PFKP: variants seen among roughly 807,000 people sequenced by gnomAD.
PFKP encodes ATP-dependent 6-phosphofructokinase, platelet type.
A neutral mutation model predicts 94.3 loss-of-function variants in PFKP; 101 were observed. That is an observed-to-expected ratio of 1.07 (90% CI 0.91 to 1.26). The LOEUF is 1.26. PFKP is among the 50% of genes most tolerant of loss of function. PFKP has a pLI of 0.00. For synonymous variants in PFKP, 573 were observed against 432.6 expected, an observed-to-expected ratio of 1.32 and a Z score of -4.03; for missense variants, 1,145 against 1,103.3, an observed-to-expected ratio of 1.04 and a Z score of -0.53.
At chr10:3,109,508 A>G in intron 10 of PFKP, 28 bp downstream of exon 10, 1 of 1,597,738 alleles carries the variant, frequency 6.3e-7, no homozygotes, top group Non-Finnish European at 8.5e-7. Context: ...GGCCAAGGGC[A>G]GGGCGGAGAC....
At chr10:3,113,638 G>A (rs1836493429) in intron 13 of PFKP, 120 bp downstream of exon 13, 2 of 474,670 alleles carry the variant, frequency 4.2e-6, no homozygotes, top group Non-Finnish European at 3.3e-6. Flanking sequence ...CCGGGATCCT[G>A]TGATATTGTG....
intron 12 of PFKP, 81 bp downstream of exon 12, chr10:3,113,269 C>T (rs1588505127): frequency 1.3e-6 from 2 of 1,574,158 alleles, no homozygotes; most frequent in East Asian, 2.3e-5. Context: ...AATGAGGCCA[C>T]CTGTTTTCAG....
chr10:3,134,674 T>C lies in PFKP; in HGVS notation c.2122+92T>C, dbSNP rs942413472. On this transcript the variant is annotated intron_variant, in intron 20 of 21. Coordinates refer to ENST00000381125, the MANE Select transcript of PFKP (RefSeq NM_002627.5). ...GTCCTATCGGGGAGAAGTAGGGTGC[T>C]GGTTCCTTCTTCAGTTCAGTACTGA... 1.7e-5 allele frequency: 14 copies of C among 802,678 alleles called. No homozygotes were observed. In the South Asian group the frequency reaches 2.0e-4, roughly 11 times the overall value. The allele number at this position is 802,678 out of a possible 1,614,324, so 49.7% of individuals were successfully genotyped here. A position where few individuals can be genotyped will look rare whatever the true frequency, so the allele number is the denominator to read the frequency against.
intron 16 of PFKP, among the ~76,000 whole-genome samples, chr10:3,127,737 T>TCCCATTGCCTGTTTCTCTC (rs1242377274): frequency 8.5e-5 from 13 of 152,186 alleles, no homozygotes; most frequent in Admixed American, 3.3e-4. Context: ...TGGGAATTCT[T>TCCCATTGCCTGTTTCTCTC]CCCATTGCCT....
At chr10:3,125,664 C>T (rs1021565494) in intron 16 of PFKP, among the ~76,000 whole-genome samples, 2 of 152,222 alleles carry the variant, frequency 1.3e-5, no homozygotes, top group African/African-American at 4.8e-5. Flanking sequence ...GCCTGGAAAA[C>T]AGCCTTCCTG....
intron 4 of PFKP, among the ~76,000 whole-genome samples, chr10:3,102,167 C>A (rs370388058): frequency 7.4e-6 from 1 of 134,632 alleles, no homozygotes; most frequent in Admixed American, 8.2e-5. Context: ...AGGAGAATGG[C>A]GTGAACCCGG....
chr10:3,121,055 T>C (rs1404314020), intron 16 of PFKP, among the ~76,000 whole-genome samples: 1 of 148,230 alleles, frequency 6.7e-6, no homozygotes, highest in Non-Finnish European at 1.5e-5. Context: ...TTTCTAGCAC[T>C]GGTAAATAAA....
At chr10:3,067,841 A>C in intron 1 of PFKP, 134 bp downstream of exon 1, 1 of 442,338 alleles carries the variant, frequency 2.3e-6, no homozygotes, top group Non-Finnish European at 4.0e-6. Context: ...TGGCGAAGCG[A>C]TGGGGAGAAC....
chr10:3,123,666 A>G (rs9423472), intron 16 of PFKP, among the ~76,000 whole-genome samples: 101,959 of 151,792 alleles, frequency 0.67, 34,560 homozygotes, highest in South Asian at 0.75. Flanking sequence ...ATTCCACAGT[A>G]AAGTGAGCGA....
At chr10:3,116,133 A>AATATACAT (rs149409567) in intron 13 of PFKP, among the ~76,000 whole-genome samples, 1 of 150,972 alleles carries the variant, frequency 6.6e-6, no homozygotes, top group African/African-American at 2.4e-5. Context: ...GGTTCTGTCA[A>AATATACAT]ATATATATAT....
chr10:3,118,847 T>G lies in PFKP; in HGVS notation c.1508T>G (p.Leu503Arg). The G allele has an allele frequency of 1.2e-6, 2 of 1,613,390 alleles. No individual in the cohort carries two copies. Among genetic ancestry groups the G allele is most frequent in the Non-Finnish European group, 1.7e-6 (2 of 1,179,524 alleles). The change falls in exon 15 of 22, where the codon CTG becomes CGG. Residue 503 changes from leucine to arginine, a missense_variant. Physicochemically the swap from Leu to Arg is moderately radical, Grantham distance 102 (BLOSUM62 -2). Around this residue, in one of 3 missense-constraint regions of PFKP, gnomAD observed 1,119 missense variants for 1,062.8 expected, o/e 1.05. Transcript: ENST00000381125. ...ATGCGCACGCACAGCATCAACGCGC[T>G]GCTGATCATCGGTGGATTCGAGGTA... ...TQMRTHSINA[L>R]LIIGGFEAYL...
intron 16 of PFKP, among the ~76,000 whole-genome samples, chr10:3,121,860 T>G (rs989565894): frequency 7.5e-6 from 1 of 133,612 alleles, no homozygotes; most frequent in African/African-American, 2.8e-5. Context: ...CTCACTCTGT[T>G]TCCCAGGCTG....
intron 20 of PFKP, among the ~76,000 whole-genome samples, chr10:3,135,413 A>C (rs76592819): frequency 1.9e-5 from 1 of 51,904 alleles, no homozygotes; most frequent in Non-Finnish European, 4.2e-5. Context: ...TTTGCCTCTC[A>C]GTGTGTGTAT....
At chr10:3,134,669 GGT>G (rs1197488508) in intron 20 of PFKP, 87 bp downstream of exon 20, 4 of 833,900 alleles carry the variant, frequency 4.8e-6, no homozygotes, top group Non-Finnish European at 8.2e-6. Flanking sequence ...GGAGAAGTAG[GGT>G]GCTGGTTCCT....
chr10:3,093,263 T>TTG (rs1834200559), intron 2 of PFKP, among the ~76,000 whole-genome samples: 1 of 152,108 alleles, frequency 6.6e-6, no homozygotes, highest in African/African-American at 2.4e-5. Context: ...CCCAACAGTG[T>TTG]TGAAAGACCA....
At chr10:3,097,509 T>A (rs10903963) in intron 2 of PFKP, among the ~76,000 whole-genome samples, 1 of 151,978 alleles carries the variant, frequency 6.6e-6, no homozygotes, top group African/African-American at 2.4e-5. Flanking sequence ...GAAGATGTTC[T>A]GCTGTTTTGC....
intron 17 of PFKP, among the ~76,000 whole-genome samples, chr10:3,132,107 T>G (rs1304328705): frequency 6.6e-6 from 1 of 152,074 alleles, no homozygotes; most frequent in South Asian, 2.1e-4. Context: ...AGCACGGAAT[T>G]ACCATTTTCA....
chr10:3,077,264 T>TTTC (rs1296040999), intron 1 of PFKP, among the ~76,000 whole-genome samples: 13 of 64,870 alleles, frequency 2.0e-4, no homozygotes, highest in South Asian at 6.2e-4. Flanking sequence ...TTTTTTTCTT[T>TTTC]TTTTTTTTTT....
intron 2 of PFKP, among the ~76,000 whole-genome samples, chr10:3,098,969 C>G (rs1356868250): frequency 1.3e-5 from 2 of 152,300 alleles, no homozygotes; most frequent in African/African-American, 2.4e-5. Context: ...TGACCCCTTT[C>G]AACCTCTAGC....
Sources: allele counts gnomAD v4.1 joint callset (sites outside exome capture counted in the v4.1 genomes callset), GRCh38; gene constraint gnomAD v4.1.1; regional missense constraint gnomAD v4.1.1; transcripts MANE v1.5; gene names NCBI Gene and HGNC (gene_info 2026-07-23, HGNC 2026-07-21).